Variants in PTDSS1 observed in about 807,000 individuals in gnomAD.
PTDSS1 encodes PSS-1.
PTDSS1 carries 45 observed loss-of-function variants against 70.5 expected under a neutral mutation model. That is an observed-to-expected ratio of 0.64 (90% CI 0.50 to 0.82). The LOEUF (loss-of-function observed/expected upper bound fraction) is 0.82. PTDSS1 is among the 40% of genes least tolerant of loss of function. The pLI is 0.00. For missense variants in PTDSS1, 417 were observed against 586.1 expected (o/e 0.71, Z 2.98); for synonymous variants, 188 against 203.8 (o/e 0.92, Z 0.66).
intron 7 of PTDSS1, among the ~76,000 whole-genome samples, chr8:96,306,067 G>C (rs1271810626): frequency 6.6e-6 from 1 of 152,190 alleles, no homozygotes; most frequent in African/African-American, 2.4e-5. Flanking sequence ...GGCAGCATAG[G>C]TGTTCTGTGG....
chr8:96,305,411 G>A (rs923718091), intron 7 of PTDSS1, among the ~76,000 whole-genome samples: 3 of 152,174 alleles, frequency 2.0e-5, no homozygotes, highest in Non-Finnish European at 2.9e-5. Flanking sequence ...CACAGTGACC[G>A]TTCCATAATC....
At chr8:96,316,770 G>A (rs148890152) in intron 9 of PTDSS1, among the ~76,000 whole-genome samples, 23 of 152,252 alleles carry the variant, frequency 1.5e-4, no homozygotes, top group African/African-American at 3.6e-4. Flanking sequence ...CAAGGTGGGC[G>A]GATCACGAGG....
chr8:96,287,193 T>C, intron 4 of PTDSS1, 47 bp downstream of exon 4: 5 of 1,602,966 alleles, frequency 3.1e-6, no homozygotes, highest in Non-Finnish European at 4.3e-6. Flanking sequence ...AGACTCTTTC[T>C]TGGGTGTAAG....
At chr8:96,313,859 T>G (rs7822351) in intron 9 of PTDSS1, among the ~76,000 whole-genome samples, 69,653 of 152,058 alleles carry the variant, frequency 0.46, 16,574 homozygotes, top group African/African-American at 0.53. Flanking sequence ...CTTCTGCACA[T>G]TATCTGCCTT....
At chr8:96,325,809 A>T (rs920654725) in intron 10 of PTDSS1, among the ~76,000 whole-genome samples, 1 of 152,218 alleles carries the variant, frequency 6.6e-6, no homozygotes, top group African/African-American at 2.4e-5. Context: ...TAAGTAAGAG[A>T]TAAGCAAGAT....
intron 9 of PTDSS1, among the ~76,000 whole-genome samples, chr8:96,319,558 T>A (rs1372730631): frequency 6.6e-6 from 1 of 152,108 alleles, no homozygotes; most frequent in Non-Finnish European, 1.5e-5. Flanking sequence ...GGTAAAGGGT[T>A]TATATTTTCA....
chr8:96,308,919 AGTCAT>A (rs1233437028), intron 8 of PTDSS1, among the ~76,000 whole-genome samples: 26 of 152,138 alleles, frequency 1.7e-4, no homozygotes, highest in Non-Finnish European at 2.4e-4. Context: ...TAACATTCCA[AGTCAT>A]TGGCATTCAA....
chr8:96,330,123 T>C, intron 10 of PTDSS1, 90 bp from the exon 11 acceptor site: 2 of 1,258,284 alleles, frequency 1.6e-6, no homozygotes, highest in Non-Finnish European at 2.3e-6. Flanking sequence ...CAGAAATGCA[T>C]TGAACGGTCC....
chr8:96,305,503 A>G (rs1811110039), intron 7 of PTDSS1, among the ~76,000 whole-genome samples: 1 of 152,168 alleles, frequency 6.6e-6, no homozygotes, highest in Admixed American at 6.5e-5. Context: ...TGTGCTACTC[A>G]TCATGATGAA....
chr8:96,286,207 G>C lies in PTDSS1; in HGVS notation c.317-815G>C, dbSNP rs904176248. On this transcript the variant is annotated intron_variant, in intron 3 of 12. Transcript: ENST00000517309. ...TTGTATCACGGTCTCTAAATGTCCC[G>C]CATAAACATTCTAATTCCAATGAGT... Among the ~76,000 whole-genome samples the C allele has an allele frequency of 3.3e-5, 5 of 152,224 alleles. No homozygotes were observed. In the South Asian group the frequency reaches 1.0e-3, roughly 32 times the overall value.
In PTDSS1 at chr8:96,298,418, T is replaced by G. The variant is rs183463434; in HGVS notation, c.601-1276T>G. On this transcript the variant is annotated intron_variant, in intron 5 of 12. Coordinates refer to ENST00000517309, the MANE Select transcript of PTDSS1 (RefSeq NM_014754.3). ...AGGCATTGTCTTAGTAATTTCATCT[T>G]TTTACATTGGGCCTTCACACTCAGT... Among the ~76,000 whole-genome samples the G allele has an allele frequency of 3.3e-5, 5 of 152,322 alleles. No individual in the cohort carries two copies. In the East Asian group the frequency reaches 5.8e-4, roughly 18 times the overall value.
At chr8:96,303,315 G>T (rs749480571) in intron 6 of PTDSS1, among the ~76,000 whole-genome samples, 1 of 152,124 alleles carries the variant, frequency 6.6e-6, no homozygotes, top group Non-Finnish European at 1.5e-5. Flanking sequence ...TGAAGGAACA[G>T]CCCTGGTTTC....
At chr8:96,274,138 T>G (rs1202800921) in intron 2 of PTDSS1, among the ~76,000 whole-genome samples, 5 of 152,116 alleles carry the variant, frequency 3.3e-5, no homozygotes, top group African/African-American at 1.2e-4. Flanking sequence ...CACTCTTGTC[T>G]TCTATTTTTT....
At chr8:96,268,177 C>G (rs1397844107) in intron 1 of PTDSS1, among the ~76,000 whole-genome samples, 1 of 152,126 alleles carries the variant, frequency 6.6e-6, no homozygotes, top group Non-Finnish European at 1.5e-5. Context: ...CATTCTTTTC[C>G]TTTAGTTGAT....
chr8:96,329,873 C>A (rs557976802), intron 10 of PTDSS1, among the ~76,000 whole-genome samples: 8 of 152,300 alleles, frequency 5.3e-5, no homozygotes, highest in Non-Finnish European at 8.8e-5. Flanking sequence ...CCCTGAAAAT[C>A]AGAACTAGAA....
intron 9 of PTDSS1, among the ~76,000 whole-genome samples, chr8:96,313,760 A>C (rs540803692): frequency 6.6e-6 from 1 of 152,132 alleles, no homozygotes; most frequent in Non-Finnish European, 1.5e-5. Context: ...CACCTCTGCT[A>C]ATGTGTCCAT....
intron 1 of PTDSS1, among the ~76,000 whole-genome samples, chr8:96,270,349 G>T (rs1437306951): frequency 6.6e-6 from 1 of 152,008 alleles, no homozygotes; most frequent in Non-Finnish European, 1.5e-5. Context: ...GATTAACTAT[G>T]GAAACTTCAG....
At chr8:96,319,948 C>A (rs1369761301) in intron 9 of PTDSS1, among the ~76,000 whole-genome samples, 5 of 152,146 alleles carry the variant, frequency 3.3e-5, no homozygotes, top group Non-Finnish European at 7.3e-5. Flanking sequence ...GCGGCGTGAT[C>A]ACCCACCCTT....
intron 2 of PTDSS1, among the ~76,000 whole-genome samples, chr8:96,277,676 C>T (rs548047520): frequency 6.6e-6 from 1 of 152,190 alleles, no homozygotes; most frequent in Non-Finnish European, 1.5e-5. Context: ...CTGCCCTGCA[C>T]GGCTGTGTAT....
Sources: gnomAD v4.1 joint callset for allele counts (sites outside exome capture counted in the v4.1 genomes callset) on GRCh38, gnomAD v4.1.1 for gene constraint, MANE v1.5 for transcripts, NCBI Gene and HGNC (gene_info 2026-07-23, HGNC 2026-07-21) for gene names.